SPAG4: variants seen among roughly 807,000 people sequenced by gnomAD.
The protein encoded by SPAG4 is sperm-associated antigen 4 protein.
SPAG4 carries 54 observed loss-of-function variants against 53.9 expected under a neutral mutation model. The observed-to-expected ratio is 1.00, with a 90% CI of 0.80 to 1.26. The LOEUF (loss-of-function observed/expected upper bound fraction) is 1.26, where lower values mean the gene tolerates loss of function less well. SPAG4 is among the 50% of genes most tolerant of loss of function. The pLI, the probability that SPAG4 is intolerant of heterozygous loss-of-function variation, is 0.00. For synonymous variants in SPAG4, 246 were observed against 237.4 expected, an observed-to-expected ratio of 1.04 and a Z score of -0.33; for missense variants, 548 against 568.6, an observed-to-expected ratio of 0.96 and a Z score of 0.37.
intron 3 of SPAG4, 77 bp from the exon 4 acceptor site, chr20:35,617,702 G>A: frequency 6.4e-7 from 1 of 1,569,486 alleles, no homozygotes; most frequent in Non-Finnish European, 8.8e-7. Context: ...ATGTTGGCAA[G>A]AGCTGGGTCT....
chr20:35,621,011 G>T lies in SPAG4; in HGVS notation c.1303G>T (p.Gly435Trp), dbSNP rs763947846. The T allele has an allele frequency of 1.2e-6, 2 of 1,613,790 alleles. No individual in the cohort carries two copies. Among genetic ancestry groups the T allele is most frequent in the African/African-American group, 2.7e-5 (2 of 74,924 alleles). Residue 435 changes from glycine to tryptophan, a missense_variant, in exon 12 of 12, where the codon GGG (glycine) becomes TGG (tryptophan). Coordinates refer to ENST00000374273, the MANE Select transcript of SPAG4 (RefSeq NM_003116.3). Reference protein sequence around the residue: ...TSEGAEGSAQGPH With the variant: ...TSEGAEGSAQWPH ...AGAGGGGGCAGAGGGCAGTGCACAG[G>T]GGCCCCATTAAACATGCTGATTTTT...
Position 35,617,847 on chromosome 20 carries a change from G to C in SPAG4, c.538+7G>C, listed in dbSNP as rs1267512104. The C allele has an allele frequency of 4.3e-6, 7 of 1,613,768 alleles. No individual in the cohort carries two copies. Among genetic ancestry groups the C allele is most frequent in the Non-Finnish European group, 5.9e-6 (7 of 1,179,826 alleles). ...CTGAGCCTCTTTCTGTCAGGTGAGG[G>C]GCAGTGAATTCCCTGGAGCCCCTGC... is the stretch of plus-strand genomic sequence containing the variant. On this transcript the variant is annotated splice_region_variant and intron_variant, in intron 4 of 11. Coordinates refer to ENST00000374273, the MANE Select transcript of SPAG4 (RefSeq NM_003116.3).
chr20:35,619,694 GCGTGGAGCACAC>G lies in SPAG4; in HGVS notation c.1028_1039del (p.Val343_Thr346del). On this transcript the variant is annotated inframe_deletion, in exon 10 of 12. Coordinates refer to ENST00000374273, the MANE Select transcript of SPAG4 (RefSeq NM_003116.3). ...ATCACTCTGCAGCATCCACCGCCCA[GCGTGGAGCACAC>G]CGGAGGAGCCAACAGCGCCCCCCGC... is the stretch of plus-strand genomic sequence containing the variant. 6.2e-7 allele frequency: 1 copy of G among 1,613,718 alleles called. No homozygotes were observed. The highest frequency in any genetic ancestry group is 8.5e-7 in the Non-Finnish European group (1 of 1,179,730).
intron 7 of SPAG4, 26 bp from the exon 8 acceptor site, chr20:35,618,897 C>CT (rs1231922055): frequency 6.2e-7 from 1 of 1,609,944 alleles, no homozygotes; most frequent in South Asian, 1.1e-5. Context: ...CCTCGCCCCT[C>CT]CAGGCCTCGC....
intron 2 of SPAG4, 125 bp from the exon 3 acceptor site, chr20:35,617,395 C>T (rs1175649574): frequency 9.7e-7 from 1 of 1,025,996 alleles, no homozygotes; most frequent in Non-Finnish European, 1.5e-6. Context: ...AGCCGACCCT[C>T]TCTTCCTGAG....
chr20:35,618,161 G>A, intron 5 of SPAG4, 31 bp downstream of exon 5: 1 of 1,606,156 alleles, frequency 6.2e-7, no homozygotes, highest in South Asian at 1.1e-5. Context: ...TGGGGTAGGG[G>A]GTTGGCAGGT....
Position 35,618,686 on chromosome 20 carries a change from AG to A in SPAG4, c.685del (p.Glu229ArgfsTer21). On this transcript the variant is annotated frameshift_variant, in exon 7 of 12. Transcript: ENST00000374273. LOFTEE classifies it high-confidence loss of function. ...CAGGCCGAGCTGGATAAACTCCACA[AG>A]GAGGTGTCCACTGTTCGGGCAGCCA... is the stretch of plus-strand genomic sequence containing the variant. ...QLQAELDKLHKEVSTVRAANS... is the reference protein window; with the variant it reads ...QLQAELDKLHXEVSTVRAANS... The A allele has an allele frequency of 6.3e-7, 1 of 1,592,558 alleles. No individual in the cohort carries two copies. Among genetic ancestry groups the A allele is most frequent in the South Asian group, 1.1e-5 (1 of 88,748 alleles).
At chr20:35,619,887 G>A (rs367846330) in intron 10 of SPAG4, 141 bp downstream of exon 10, 1 of 856,634 alleles carries the variant, frequency 1.2e-6, no homozygotes, top group African/African-American at 1.7e-5. Context: ...AGCTGCTGTA[G>A]GTTATAGTCA....
At chr20:35,618,512 T>C in intron 6 of SPAG4, 37 bp downstream of exon 6, 46 of 1,612,792 alleles carry the variant, frequency 2.9e-5, no homozygotes, top group Non-Finnish European at 3.9e-5. Context: ...ATTGGGGGGC[T>C]CAAAGTTGCT....
At chr20:35,618,007 C>A in intron 4 of SPAG4, 80 bp from the exon 5 acceptor site, 2 of 1,498,516 alleles carry the variant, frequency 1.3e-6, no homozygotes, top group Non-Finnish European at 1.8e-6. Context: ...CCCCCTCAAG[C>A]CTCTTTCCAC....
Position 35,616,235 on chromosome 20 carries a change from C to T in SPAG4, c.232C>T (p.Gln78Ter). 1 of 1,541,494 alleles carries T rather than the reference C, an allele frequency of 6.5e-7. No individual in the cohort carries two copies. The highest frequency in any genetic ancestry group is 8.7e-7 in the Non-Finnish European group (1 of 1,147,718). Reference protein sequence around the residue: ...GGTTWAGSSQQKPAPRSHNWQ... With the variant: ...GGTTWAGSSQ Reference sequence around the variant, plus strand: ...AACCACATGGGCAGGAAGCTCTCAGCAGAAGCCAGCGCCTCGGAGCCACAA... The same window carrying T: ...AACCACATGGGCAGGAAGCTCTCAGTAGAAGCCAGCGCCTCGGAGCCACAA... The change falls in exon 1 of 12, where the codon CAG becomes TAG. Residue 78 changes from glutamine to a stop codon, truncating the protein, a stop_gained. Coordinates refer to ENST00000374273, the MANE Select transcript of SPAG4 (RefSeq NM_003116.3). LOFTEE classifies it high-confidence loss of function.
In SPAG4 at chr20:35,619,226, C is replaced by G; in HGVS notation, c.825C>G (p.His275Gln). The G allele has an allele frequency of 6.2e-7, 1 of 1,613,868 alleles. No individual in the cohort carries two copies. Among genetic ancestry groups the G allele is most frequent in the Non-Finnish European group, 8.5e-7 (1 of 1,179,950 alleles). Residue 275 changes from histidine (H) to glutamine (Q), a missense_variant, in exon 9 of 12, where the codon CAC becomes CAG. Transcript: ENST00000374273. ...CCATCGACCTGCAGAAGACATCCCA[C>G]GATTACGCAGACAGGAACACTGCCT... ...GASIDLQKTSHDYADRNTAYF... is the reference protein window; with the variant it reads ...GASIDLQKTSQDYADRNTAYF...
rs528078642 is a variant in SPAG4, at chr20:35,619,803, T to C, written c.1077+57T>C. 2.6e-6 allele frequency: 4 copies of C among 1,539,136 alleles called. No individual in the cohort carries two copies. The South Asian group carries it at 3.5e-5, about 13-fold the overall frequency. On this transcript the variant is annotated intron_variant, in intron 10 of 11. Transcript: ENST00000374273. ...TTTTGCCTAGAGAGCCCAAGCAGTC[T>C]TGAGAACTGGTGCCGTTATCTGAGT...
In SPAG4 at chr20:35,619,063, A is replaced by G. The variant is rs1601406453; in HGVS notation, c.793+65A>G. On this transcript the variant is annotated intron_variant, in intron 8 of 11. Transcript: ENST00000374273. The stretch of plus-strand genomic sequence containing the variant: ...GAAAGAGGCCAAGACACTGACACAG[A>G]CAGACCCATGCACCTGACCGGCCGA... The G allele has an allele frequency of 4.0e-6, 6 of 1,501,246 alleles. No individual in the cohort carries two copies. In the East Asian group the frequency reaches 9.0e-5, roughly 23 times the overall value. 93.0% of individuals were successfully genotyped at this position (1,501,246 alleles called of 1,614,324 possible). A position where few individuals can be genotyped will look rare whatever the true frequency, so the allele number is the denominator to read the frequency against.
intron 4 of SPAG4, 113 bp downstream of exon 4, chr20:35,617,953 C>A: frequency 7.5e-7 from 1 of 1,329,728 alleles, no homozygotes; most frequent in Non-Finnish European, 1.1e-6. Flanking sequence ...CCTGCAGAAC[C>A]CCCTAATTCC....
intron 1 of SPAG4, chr20:35,616,902 T>G (rs1217263082): frequency 3.7e-6 from 2 of 545,676 alleles, no homozygotes; most frequent in Non-Finnish European, 6.6e-6. Context: ...ATCGCTGGGA[T>G]TACAGGCGTG....
At chr20:35,619,439 C>T in intron 9 of SPAG4, 129 bp downstream of exon 9, 1 of 1,368,994 alleles carries the variant, frequency 7.3e-7, no homozygotes, top group Non-Finnish European at 1.0e-6. Context: ...AAGGAGAGAC[C>T]TGGCATTGCT....
Position 35,615,944 on chromosome 20 carries a change from AG to A in SPAG4, c.-57del. The A allele has an allele frequency of 7.1e-6, 11 of 1,554,746 alleles. No homozygotes were observed. Among genetic ancestry groups the A allele is most frequent in the Non-Finnish European group, 9.6e-6 (11 of 1,142,084 alleles). The stretch of plus-strand genomic sequence containing the variant: ...GCGCGCAGCGGCTGAAGGAGGCCCC[AG>A]GGCCTTGGCGACCGCAGCGGCGGCT... On this transcript the variant is annotated 5_prime_UTR_variant, in exon 1 of 12. Coordinates refer to ENST00000374273, the MANE Select transcript of SPAG4 (RefSeq NM_003116.3).
In SPAG4 at chr20:35,620,000, C is replaced by G. The variant is rs1171138165; in HGVS notation, c.1077+254C>G. On this transcript the variant is annotated intron_variant, in intron 10 of 11. Transcript: ENST00000374273. The stretch of plus-strand genomic sequence containing the variant: ...CTGTTGTTTTTGAGACAGTCTCGCT[C>G]TTGTCACCCAGGCTGCTGGAGTGCA... Among the ~76,000 whole-genome samples the G allele has an allele frequency of 2.0e-5, 3 of 152,142 alleles. No individual in the cohort carries two copies. The East Asian group carries it at 5.8e-4, about 29-fold the overall frequency.
Sources: allele counts gnomAD v4.1 joint callset (sites outside exome capture counted in the v4.1 genomes callset), GRCh38; gene constraint gnomAD v4.1.1; transcripts MANE v1.5; gene names NCBI Gene and HGNC (gene_info 2026-07-23, HGNC 2026-07-21).